RMDN3: variants seen among roughly 807,000 people sequenced by gnomAD.
The protein encoded by RMDN3 is regulator of microtubule dynamics 3.
RMDN3 carries 41 observed loss-of-function variants against 61.8 expected under a neutral mutation model. That is an observed-to-expected ratio of 0.66 (90% CI 0.52 to 0.86). RMDN3 has a LOEUF of 0.86. RMDN3 is among the 40% of genes least tolerant of loss of function. RMDN3 has a pLI of 0.00. For missense variants in RMDN3, 557 were observed against 585.3 expected (o/e 0.95, Z 0.50); for synonymous variants, 247 against 232.0 (o/e 1.06, Z -0.59).
intron 11 of RMDN3, 38 bp downstream of exon 11, chr15:40,737,250 G>A: frequency 6.2e-7 from 1 of 1,611,082 alleles, no homozygotes; most frequent in East Asian, 2.2e-5. Flanking sequence ...ACTTTCAGGA[G>A]TTCCCAGATC....
rs192555861 is a variant in RMDN3 at position 40,736,684 on chromosome 15, C to G, written c.1360-90G>C. The stretch of plus-strand genomic sequence containing the variant: ...ACCTAAGAAGAGGGGCCCTTTGCTT[C>G]CTTCCTGAGCTCTGCTACAGTCTTT... On this transcript the variant is annotated intron_variant, in intron 12 of 12. Coordinates refer to ENST00000338376, the MANE Select transcript of RMDN3 (RefSeq NM_018145.3). The G allele has an allele frequency of 5.5e-4, 608 of 1,098,882 alleles. 2 individuals carry two copies. The highest frequency in any genetic ancestry group is 7.3e-4 in the Non-Finnish European group (528 of 720,100). The allele number at this position is 1,098,882 out of a possible 1,614,324, so 68.1% of individuals were successfully genotyped here. A position where few individuals can be genotyped will look rare whatever the true frequency, so the allele number is the denominator to read the frequency against.
intron 12 of RMDN3, 60 bp downstream of exon 12, chr15:40,737,064 G>T: frequency 1.5e-6 from 2 of 1,340,754 alleles, no homozygotes; most frequent in Non-Finnish European, 2.1e-6. Flanking sequence ...TGTTGGTCAG[G>T]CTGTCTCGAA....
chr15:40,754,752 C>A lies in RMDN3; in HGVS notation c.32G>T (p.Arg11Leu). 1 of 1,586,840 alleles carries A rather than the reference C, an allele frequency of 6.3e-7. No individual in the cohort carries two copies. Residue 11 changes from arginine (R) to leucine (L), a missense_variant, in exon 2 of 13, where the codon CGT (arginine) becomes CTT (leucine). Coordinates refer to ENST00000338376, the MANE Select transcript of RMDN3 (RefSeq NM_018145.3). The part of the protein sequence containing the change: MSRLGALGGA[R>L]AGLGLLLGTA... ...ACCCAGCAACAGTCCCAGCCCGGCA[C>A]GGGCACCACCCAGGGCTCCCAGTCT...
intron 2 of RMDN3, 128 bp from the exon 3 acceptor site, chr15:40,752,306 C>G (rs537710573): frequency 1.0e-5 from 9 of 883,854 alleles, no homozygotes; most frequent in African/African-American, 1.7e-5. Context: ...AGATAGCACA[C>G]GTTCACAGCC....
intron 6 of RMDN3, among the ~76,000 whole-genome samples, chr15:40,742,786 A>G (rs1190515923): frequency 6.6e-6 from 1 of 152,178 alleles, no homozygotes; most frequent in Non-Finnish European, 1.5e-5. Flanking sequence ...TAGCACTAAT[A>G]AGAGATGACC....
chr15:40,745,303 A>C, intron 4 of RMDN3, 44 bp from the exon 5 acceptor site: 4 of 1,588,346 alleles, frequency 2.5e-6, no homozygotes, highest in Non-Finnish European at 3.4e-6. Flanking sequence ...TATTCAGCTC[A>C]GAGCCCCTAG....
intron 4 of RMDN3, among the ~76,000 whole-genome samples, chr15:40,749,270 C>T (rs1314840503): frequency 2.6e-5 from 4 of 152,212 alleles, no homozygotes; most frequent in Non-Finnish European, 5.9e-5. Context: ...AATCTCAGCA[C>T]TTGGAGGCTG....
chr15:40,751,538 G>T lies in RMDN3; in HGVS notation c.412C>A (p.Arg138=). 1 of 1,614,178 alleles carries T rather than the reference G, an allele frequency of 6.2e-7. No individual in the cohort carries two copies. The highest frequency in any genetic ancestry group is 8.5e-7 in the Non-Finnish European group (1 of 1,180,032). The change falls in exon 4 of 13, where the codon CGG becomes AGG. Residue 138 remains arginine, a synonymous_variant. Coordinates refer to ENST00000338376, the MANE Select transcript of RMDN3 (RefSeq NM_018145.3). ...CHMEENQRVA[R]RRRFPFVRER... is the part of the protein sequence containing the mutation. Reference sequence around the variant, plus strand: ...CGGACAAACGGAAACCTTCGCCGCCGAGCCACTCTCTGGTTCTCTTCCATG... The same window carrying T: ...CGGACAAACGGAAACCTTCGCCGCCTAGCCACTCTCTGGTTCTCTTCCATG...
chr15:40,752,539 G>A lies in RMDN3; in HGVS notation c.188-361C>T, dbSNP rs148224602. Among the ~76,000 whole-genome samples, 3 of 151,562 alleles carry A rather than the reference G, an allele frequency of 2.0e-5. No homozygotes were observed. The East Asian group carries it at 5.8e-4, about 29-fold the overall frequency. On this transcript the variant is annotated intron_variant, in intron 2 of 12. Transcript: ENST00000338376. ...ACCATATAGTGCCCAATACCAAGGA[G>A]TCAATACCAACCACATAGCAAAACT...
intron 12 of RMDN3, 61 bp downstream of exon 12, chr15:40,737,063 G>C (rs536140053): frequency 6.0e-6 from 8 of 1,331,526 alleles, no homozygotes; most frequent in Non-Finnish European, 8.7e-6. Flanking sequence ...ATGTTGGTCA[G>C]GCTGTCTCGA....
chr15:40,747,433 G>T (rs1344283680), intron 4 of RMDN3, among the ~76,000 whole-genome samples: 1 of 152,200 alleles, frequency 6.6e-6, no homozygotes. Context: ...GACTTTAATT[G>T]CATCTCAGCC....
intron 4 of RMDN3, among the ~76,000 whole-genome samples, chr15:40,750,958 A>G (rs551118345): frequency 4.6e-5 from 7 of 152,224 alleles, no homozygotes; most frequent in Non-Finnish European, 8.8e-5. Context: ...AGAAAGGCCT[A>G]TCGTCAGCCC....
intron 4 of RMDN3, among the ~76,000 whole-genome samples, chr15:40,745,574 C>A (rs545544139): frequency 6.6e-6 from 1 of 152,050 alleles, no homozygotes; most frequent in Admixed American, 6.5e-5. Flanking sequence ...CCATGTTGCC[C>A]AGACTGGTCT....
At chr15:40,745,412 CTTTT>C (rs376519039) in intron 4 of RMDN3, among the ~76,000 whole-genome samples, 153 bp from the exon 5 acceptor site, 124 of 130,308 alleles carry the variant, frequency 9.5e-4, no homozygotes, top group African/African-American at 3.3e-3. Context: ...GACTTTTTTT[CTTTT>C]TTTTTTTTTT....
chr15:40,745,230 T>C lies in RMDN3; in HGVS notation c.554A>G (p.Asn185Ser), dbSNP rs1897477148. 2 of 1,613,980 alleles carry C rather than the reference T, an allele frequency of 1.2e-6. No homozygotes were observed. Among genetic ancestry groups the C allele is most frequent in the Non-Finnish European group, 1.7e-6 (2 of 1,180,014 alleles). Residue 185 changes from asparagine (N) to serine (S), a missense_variant, in exon 5 of 13, where the codon AAT (asparagine) becomes AGT (serine). Physicochemically the swap from Asn to Ser is conservative, Grantham distance 46. Transcript: ENST00000338376. ...ACTTTCTTTGTCAGAGTCCCGCTCATTGTCAGACTCCGCATTGGCTGTTGT... is the reference window on the plus strand; with the variant it reads ...ACTTTCTTTGTCAGAGTCCCGCTCACTGTCAGACTCCGCATTGGCTGTTGT... ...GYTTANAESD[N>S]ERDSDKESED...
At chr15:40,743,415 T>C (rs1897358707) in intron 6 of RMDN3, among the ~76,000 whole-genome samples, 1 of 85,032 alleles carries the variant, frequency 1.2e-5, no homozygotes, top group African/African-American at 5.0e-5. Context: ...AGAAAGACTG[T>C]TTAAAAAAAA....
Position 40,737,730 on chromosome 15 carries a change from C to T in RMDN3, c.1126-4G>A, listed in dbSNP as rs1164334562. Reference sequence around the variant, plus strand: ...CTAGCCAGCTCAGGTGAGAGACCTGCCACAAAAAGATCAAGGTGTGTATAA... The same window carrying T: ...CTAGCCAGCTCAGGTGAGAGACCTGTCACAAAAAGATCAAGGTGTGTATAA... On this transcript the variant is annotated splice_polypyrimidine_tract_variant and splice_region_variant and intron_variant, in intron 9 of 12. Coordinates refer to ENST00000338376, the MANE Select transcript of RMDN3 (RefSeq NM_018145.3). 6.2e-7 allele frequency: 1 copy of T among 1,613,310 alleles called. No homozygotes were observed.
chr15:40,736,755 T>G (rs1462791872), intron 12 of RMDN3, among the ~76,000 whole-genome samples, 161 bp from the exon 13 acceptor site: 1 of 152,154 alleles, frequency 6.6e-6, no homozygotes, highest in Non-Finnish European at 1.5e-5. Flanking sequence ...ATCTGTCTCT[T>G]CCCCTAGAGG....
At chr15:40,741,870 G>A (rs570281948) in intron 6 of RMDN3, among the ~76,000 whole-genome samples, 92 of 151,724 alleles carry the variant, frequency 6.1e-4, no homozygotes, top group African/African-American at 2.1e-3. Context: ...CAGGTGATGC[G>A]CCCACCTCAG....
Sources: allele counts gnomAD v4.1 joint callset (sites outside exome capture counted in the v4.1 genomes callset), GRCh38; gene constraint gnomAD v4.1.1; transcripts MANE v1.5; gene names NCBI Gene and HGNC (gene_info 2026-07-23, HGNC 2026-07-21).